SLA2: variants seen among roughly 807,000 people sequenced by gnomAD.
SLA2 encodes the protein src-like-adapter 2.
Under a neutral mutation model 27.3 loss-of-function variants are expected in SLA2, and 22 were observed. The ratio of observed to expected loss-of-function variants is 0.81; its 90% confidence interval spans 0.58 to 1.15. The LOEUF (loss-of-function observed/expected upper bound fraction) is 1.15, where lower values mean the gene tolerates loss of function less well. SLA2 is among the 50% of genes most tolerant of loss of function. The probability of loss-of-function intolerance (pLI) is 0.00; values close to 1 mark genes in which losing one functional copy is unlikely to be tolerated. For synonymous variants in SLA2, 131 were observed against 137.8 expected (o/e 0.95, Z 0.34); for missense variants, 304 against 322.2 (o/e 0.94, Z 0.43).
intron 2 of SLA2, among the ~76,000 whole-genome samples, chr20:36,640,696 T>A (rs2039498019): frequency 6.6e-6 from 1 of 152,142 alleles, no homozygotes. Context: ...TTTGTATTTT[T>A]AGTAGAGACG....
At chr20:36,623,023 C>A (rs1329728649) in intron 5 of SLA2, among the ~76,000 whole-genome samples, 1 of 152,138 alleles carries the variant, frequency 6.6e-6, no homozygotes, top group Non-Finnish European at 1.5e-5. Context: ...AATCCCAACA[C>A]TTTGGGAGGC....
chr20:36,632,491 A>G lies in SLA2; in HGVS notation c.382+104T>C. On this transcript the variant is annotated intron_variant, in intron 5 of 7. Coordinates refer to ENST00000262866, the MANE Select transcript of SLA2 (RefSeq NM_032214.4). ...GGAAATCTTGGTTGACTGAGAAGTC[A>G]GGCAAAGCCTATTTTCTGGGCCGCA... 8 of 863,360 alleles carry G rather than the reference A, an allele frequency of 9.3e-6. No homozygotes were observed. In the South Asian group the frequency reaches 1.2e-4, roughly 13 times the overall value. The allele number at this position is 863,360 out of a possible 1,614,324, so 53.5% of individuals were successfully genotyped here.
At chr20:36,634,278 G>A (rs1008466143) in intron 3 of SLA2, among the ~76,000 whole-genome samples, 1 of 151,852 alleles carries the variant, frequency 6.6e-6, no homozygotes, top group Non-Finnish European at 1.5e-5. Context: ...GAGCTACCAC[G>A]CCTGGCCCAT....
chr20:36,634,652 T>G (rs2039426636), intron 2 of SLA2, 63 bp from the exon 3 acceptor site: 1 of 1,122,082 alleles, frequency 8.9e-7, no homozygotes, highest in Non-Finnish European at 1.3e-6. Flanking sequence ...TGAGGTCTAG[T>G]GGAGTCTGGC....
Position 36,630,439 on chromosome 20 carries a change from G to A in SLA2, c.382+2156C>T, listed in dbSNP as rs186271750. 7.6e-3 allele frequency among the ~76,000 whole-genome samples: 1,162 copies of A among 152,286 alleles called. 53 individuals carry two copies. Among genetic ancestry groups the A allele is most frequent in the Admixed American group, 0.068 (1,037 of 15,282 alleles). On this transcript the variant is annotated intron_variant, in intron 5 of 7. Transcript: ENST00000262866. ...TTCATATCAAGGCGGGCGCCAGGAG[G>A]TCTGTCCATTCCTGATACCTCCTTC...
intron 5 of SLA2, among the ~76,000 whole-genome samples, chr20:36,626,553 T>TAAA (rs566064318): frequency 0.027 from 3,699 of 135,816 alleles, 167 homozygotes; most frequent in African/African-American, 0.095. Flanking sequence ...GACCCTGTCT[T>TAAA]AAAAAAAAAA....
chr20:36,636,924 A>C (rs941158773), intron 2 of SLA2, among the ~76,000 whole-genome samples: 14 of 151,858 alleles, frequency 9.2e-5, no homozygotes, highest in Admixed American at 7.9e-4. Context: ...GCACTCCAGC[A>C]TGGGCAACAC....
At chr20:36,614,266 T>G (rs969921059) in intron 7 of SLA2, 39 bp downstream of exon 7, 11 of 1,614,014 alleles carry the variant, frequency 6.8e-6, no homozygotes, top group Non-Finnish European at 9.3e-6. Context: ...TTCTAACTCT[T>G]GGTCCTGCTT....
intron 1 of SLA2, 41 bp from the exon 2 acceptor site, chr20:36,641,419 G>T: frequency 7.9e-7 from 1 of 1,257,944 alleles, no homozygotes; most frequent in Non-Finnish European, 1.1e-6. Context: ...CGAGGCTTCT[G>T]GCCCAATCTC....
intron 5 of SLA2, among the ~76,000 whole-genome samples, chr20:36,622,364 A>AAC (rs1342376571): frequency 6.6e-6 from 1 of 151,878 alleles, no homozygotes; most frequent in African/African-American, 2.4e-5. Context: ...TCAAAAAAAA[A>AAC]AAACAAAAAA....
At position 36,613,803 on chromosome 20, in the gene SLA2, A is replaced by G; in HGVS notation, c.*63T>C. On this transcript the variant is annotated 3_prime_UTR_variant, in exon 8 of 8. Transcript: ENST00000262866. ...GCACAGCCTTGCCTCTGGGGTGCCC[A>G]GGAGGCTGAATTGGGGTTCTAGGTG... 2 of 880,324 alleles carry G rather than the reference A, an allele frequency of 2.3e-6. No homozygotes were observed. Among genetic ancestry groups the G allele is most frequent in the Non-Finnish European group, 3.1e-6 (2 of 636,210 alleles). The allele number at this position is 880,324 out of a possible 1,614,324, so 54.5% of individuals were successfully genotyped here. A position where few individuals can be genotyped will look rare whatever the true frequency, so the allele number is the denominator to read the frequency against.
Position 36,614,492 on chromosome 20 carries a change from A to G in SLA2, c.533-55T>C, listed in dbSNP as rs143481817. The stretch of plus-strand genomic sequence containing the variant: ...ACTGACTCCACCCTACTTCTCCCCA[A>G]CAGCCCTCACCCTGACAGCCCTCTG... On this transcript the variant is annotated intron_variant, in intron 6 of 7. Transcript: ENST00000262866. 1.1e-3 allele frequency: 1,755 copies of G among 1,543,760 alleles called. 20 individuals are homozygous for G. In the African/African-American group the frequency reaches 0.019, roughly 16 times the overall value.
chr20:36,639,449 G>A (rs1176016442), intron 2 of SLA2, among the ~76,000 whole-genome samples: 3 of 151,938 alleles, frequency 2.0e-5, no homozygotes, highest in Non-Finnish European at 2.9e-5. Context: ...TTTCTCTGGA[G>A]AACCCTAATA....
intron 5 of SLA2, among the ~76,000 whole-genome samples, chr20:36,618,008 G>A (rs1286084827): frequency 4.0e-5 from 6 of 150,760 alleles, no homozygotes; most frequent in South Asian, 4.2e-4. Context: ...TTAGCCGGGC[G>A]TGGTGGCGGG....
At chr20:36,632,176 T>C (rs1000035800) in intron 5 of SLA2, among the ~76,000 whole-genome samples, 1 of 152,248 alleles carries the variant, frequency 6.6e-6, no homozygotes, top group Non-Finnish European at 1.5e-5. Context: ...CAGCTCGGCA[T>C]CCAAGGCCTC....
chr20:36,635,108 C>A (rs566777628), intron 2 of SLA2, among the ~76,000 whole-genome samples: 1 of 151,872 alleles, frequency 6.6e-6, no homozygotes, highest in Non-Finnish European at 1.5e-5. Context: ...GGGCATCAGG[C>A]GGCAAGGGCA....
intron 2 of SLA2, among the ~76,000 whole-genome samples, chr20:36,638,239 T>A (rs1196865709): frequency 6.6e-6 from 1 of 152,130 alleles, no homozygotes; most frequent in Non-Finnish European, 1.5e-5. Flanking sequence ...GATTTTCACA[T>A]CTTTAATTAT....
At position 36,613,958 on chromosome 20, in the gene SLA2, C is replaced by T; in HGVS notation, c.694G>A (p.Gly232Arg). 6.2e-7 allele frequency: 1 copy of T among 1,614,124 alleles called. No individual in the cohort carries two copies. Among genetic ancestry groups the T allele is most frequent in the East Asian group, 2.2e-5 (1 of 44,892 alleles). ...CCCTCACTGAGAAGAGACTCCTCCC[C>T]TGTGGCAGCTTCAGAAAACAGGAGG... is the stretch of plus-strand genomic sequence containing the variant. ...SSLLFSEAAT[G>R]EESLLSEGLR... The change falls in exon 8 of 8, where the codon GGG becomes AGG. Residue 232 changes from glycine (G) to arginine (R), a missense_variant. Gly to Arg is a moderately radical substitution (Grantham distance 125). Coordinates refer to ENST00000262866, the MANE Select transcript of SLA2 (RefSeq NM_032214.4).
intron 5 of SLA2, among the ~76,000 whole-genome samples, chr20:36,619,215 T>G (rs1476126832): frequency 2.0e-4 from 17 of 83,286 alleles, no homozygotes; most frequent in South Asian, 7.9e-4. Flanking sequence ...AGTGAGACTC[T>G]GGGGGAAAAA....
Sources: allele counts gnomAD v4.1 joint callset (sites outside exome capture counted in the v4.1 genomes callset), GRCh38; gene constraint gnomAD v4.1.1; transcripts MANE v1.5; gene names NCBI Gene and HGNC (gene_info 2026-07-23, HGNC 2026-07-21).